The following FOXRED2 variants were observed in gnomAD, a reference collection of about 807,000 sequenced individuals.
FOXRED2 encodes FAD dependent oxidoreductase domain containing 2, also known as FAD-dependent oxidoreductase domain-containing protein 2.
A neutral mutation model predicts 52.5 loss-of-function variants in FOXRED2; 32 were observed. The ratio of observed to expected loss-of-function variants is 0.61; its 90% confidence interval spans 0.46 to 0.82. FOXRED2 has a LOEUF of 0.82. FOXRED2 is among the 40% of genes least tolerant of loss of function. The pLI, the probability that FOXRED2 is intolerant of heterozygous loss-of-function variation, is 0.00. For missense variants in FOXRED2, 848 were observed against 937.5 expected, an observed-to-expected ratio of 0.90 and a Z score of 1.25; for synonymous variants, 405 against 398.1, an observed-to-expected ratio of 1.02 and a Z score of -0.21.
intron 1 of FOXRED2, chr22:36,506,732 A>C: frequency 5.2e-5 from 16 of 309,128 alleles, no homozygotes; most frequent in Non-Finnish European, 8.3e-5. Context: ...TTTTCCCCTA[A>C]TTTGAGGGTG....
At chr22:36,499,792 C>A (rs989669108) in intron 5 of FOXRED2, among the ~76,000 whole-genome samples, 1 of 151,992 alleles carries the variant, frequency 6.6e-6, no homozygotes, top group Non-Finnish European at 1.5e-5. Flanking sequence ...GCAGGAACAT[C>A]TAATTTTTAT....
At chr22:36,501,506 G>T (rs1251333031) in intron 4 of FOXRED2, 99 bp from the exon 5 acceptor site, 8 of 1,227,020 alleles carry the variant, frequency 6.5e-6, no homozygotes, top group Non-Finnish European at 9.3e-6. Context: ...TGTCGCCCAG[G>T]TTAGAGTACA....
chr22:36,493,963 C>G (rs1386565206), intron 7 of FOXRED2, among the ~76,000 whole-genome samples, 160 bp from the exon 8 acceptor site: 1 of 152,214 alleles, frequency 6.6e-6, no homozygotes, highest in African/African-American at 2.4e-5. Flanking sequence ...TCAGACTGTT[C>G]AAGAGCCACC....
At chr22:36,496,560 G>A (rs1310250468) in intron 6 of FOXRED2, among the ~76,000 whole-genome samples, 1 of 152,236 alleles carries the variant, frequency 6.6e-6, no homozygotes, top group Non-Finnish European at 1.5e-5. Context: ...AGGAGAGGGG[G>A]CCGGAGGCCT....
chr22:36,506,523 C>G (rs1934205511), intron 1 of FOXRED2, 100 bp from the exon 2 acceptor site: 1 of 1,193,914 alleles, frequency 8.4e-7, no homozygotes, highest in Non-Finnish European at 1.1e-6. Context: ...TCACTGCAAT[C>G]TGGGTCACGG....
At chr22:36,495,856 A>G in intron 7 of FOXRED2, 111 bp downstream of exon 7, 1 of 1,249,764 alleles carries the variant, frequency 8.0e-7, no homozygotes, top group Non-Finnish European at 1.1e-6. Context: ...TCCCGCAGCC[A>G]TCCCACCTGT....
intron 7 of FOXRED2, among the ~76,000 whole-genome samples, chr22:36,494,265 C>A (rs1478720147): frequency 6.6e-6 from 1 of 151,916 alleles, no homozygotes; most frequent in South Asian, 2.1e-4. Context: ...TACAGGTGCC[C>A]GCCACCACAC....
intron 7 of FOXRED2, among the ~76,000 whole-genome samples, chr22:36,494,927 G>A (rs547052516): frequency 4.1e-4 from 62 of 151,614 alleles, no homozygotes; most frequent in African/African-American, 1.4e-3. Flanking sequence ...GTGAGCGACC[G>A]CGCCCGGCCT....
intron 5 of FOXRED2, among the ~76,000 whole-genome samples, chr22:36,499,884 C>T (rs1011980696): frequency 1.7e-4 from 26 of 152,280 alleles, no homozygotes; most frequent in Middle Eastern, 6.8e-3. Flanking sequence ...TCACTGCAAC[C>T]TCCACCTCCA....
At chr22:36,492,866 T>C (rs189795140) in intron 8 of FOXRED2, among the ~76,000 whole-genome samples, 3 of 152,360 alleles carry the variant, frequency 2.0e-5, no homozygotes, top group Non-Finnish European at 2.9e-5. Context: ...GTGATTTCTA[T>C]AGCTCAATGA....
At chr22:36,503,888 T>C (rs1934117053) in intron 4 of FOXRED2, among the ~76,000 whole-genome samples, 1 of 152,226 alleles carries the variant, frequency 6.6e-6, no homozygotes, top group Non-Finnish European at 1.5e-5. Flanking sequence ...TCTGCTGGTG[T>C]TGCTCCAGGA....
chr22:36,488,971 G>A lies in FOXRED2; in HGVS notation c.*1037C>T, dbSNP rs1458584037. 3 of 152,238 alleles carry A rather than the reference G, an allele frequency of 2.0e-5. No individual in the cohort carries two copies. The highest frequency in any genetic ancestry group is 7.2e-5 in the African/African-American group (3 of 41,456). 9.4% of individuals were successfully genotyped at this position (152,238 alleles called of 1,614,324 possible). ...GATTATCTTATGCACTTACAAATGAGACTAAGACGCCTGATGGGAAAGTGC... is the reference window on the plus strand; with the variant it reads ...GATTATCTTATGCACTTACAAATGAAACTAAGACGCCTGATGGGAAAGTGC... On this transcript the variant is annotated 3_prime_UTR_variant, in exon 9 of 9. Transcript: ENST00000397224.
At chr22:36,494,332 G>T (rs1438677277) in intron 7 of FOXRED2, among the ~76,000 whole-genome samples, 3 of 152,074 alleles carry the variant, frequency 2.0e-5, no homozygotes, top group Admixed American at 6.6e-5. Context: ...TACCATGTTG[G>T]CCAGGCTGGT....
At chr22:36,498,227 C>T (rs1933955761) in intron 5 of FOXRED2, 71 bp from the exon 6 acceptor site, 1 of 1,536,552 alleles carries the variant, frequency 6.5e-7, no homozygotes, top group Non-Finnish European at 8.8e-7. Flanking sequence ...GAGGGATGCC[C>T]AGGCCTCATT....
intron 8 of FOXRED2, 53 bp downstream of exon 8, chr22:36,493,580 C>A (rs1933815031): frequency 9.1e-6 from 14 of 1,536,260 alleles, no homozygotes; most frequent in Non-Finnish European, 1.2e-5. Flanking sequence ...GTCTCTGTGA[C>A]CTTTCTTCAA....
In FOXRED2 at chr22:36,488,585, T is replaced by G. The variant is rs1402113148; in HGVS notation, c.*1423A>C. 1.3e-5 allele frequency: 2 copies of G among 151,848 alleles called. No individual in the cohort carries two copies. The allele number at this position is 151,848 out of a possible 1,614,324, so 9.4% of individuals were successfully genotyped here. A position where few individuals can be genotyped will look rare whatever the true frequency, so the allele number is the denominator to read the frequency against. ...CATGTTTTATTTTAATTTAATTTAATTAACTTATTTTTTGAGATGGAGTTT... is the reference window on the plus strand; with the variant it reads ...CATGTTTTATTTTAATTTAATTTAAGTAACTTATTTTTTGAGATGGAGTTT... On this transcript the variant is annotated 3_prime_UTR_variant, in exon 9 of 9. Coordinates refer to ENST00000397224, the MANE Select transcript of FOXRED2 (RefSeq NM_001102371.2).
chr22:36,496,981 G>C (rs1933916831), intron 6 of FOXRED2, among the ~76,000 whole-genome samples: 1 of 152,220 alleles, frequency 6.6e-6, no homozygotes, highest in Admixed American at 6.5e-5. Flanking sequence ...AGGAGTTTGA[G>C]ACCAGCCTAG....
chr22:36,503,638 G>T (rs145691066), intron 4 of FOXRED2, among the ~76,000 whole-genome samples: 1 of 151,980 alleles, frequency 6.6e-6, no homozygotes, highest in Non-Finnish European at 1.5e-5. Flanking sequence ...GTTAATCCTC[G>T]CAATAACCAT....
chr22:36,489,861 G>A lies in FOXRED2; in HGVS notation c.*147C>T. 1 of 766,610 alleles carries A rather than the reference G, an allele frequency of 1.3e-6. No homozygotes were observed. The highest frequency in any genetic ancestry group is 1.9e-6 in the Non-Finnish European group (1 of 519,072). The allele number at this position is 766,610 out of a possible 1,614,324, so 47.5% of individuals were successfully genotyped here. A position where few individuals can be genotyped will look rare whatever the true frequency, so the allele number is the denominator to read the frequency against. On this transcript the variant is annotated 3_prime_UTR_variant, in exon 9 of 9. Transcript: ENST00000397224. ...ACTTTCAGCCCTCACGTGCCATCTG[G>A]TGGCTTTGCTGCAGACACTGCCATG...
Sources: allele counts gnomAD v4.1 joint callset (sites outside exome capture counted in the v4.1 genomes callset), GRCh38; gene constraint gnomAD v4.1.1; transcripts MANE v1.5; gene names NCBI Gene and HGNC (gene_info 2026-07-23, HGNC 2026-07-21).